Variants in PPP2R5E observed in about 807,000 individuals in gnomAD.
The protein encoded by PPP2R5E is protein phosphatase 2 regulatory subunit B'epsilon.
A neutral mutation model predicts 65.3 loss-of-function variants in PPP2R5E; 4 were observed. That is an observed-to-expected ratio of 0.06 (90% CI 0.03 to 0.14). The LOEUF is 0.14. Ranked by LOEUF, PPP2R5E falls within the 10% of genes least tolerant of loss-of-function variation. The pLI is 1.00. For synonymous variants in PPP2R5E, 183 were observed against 187.4 expected (o/e 0.98, Z 0.19); for missense variants, 274 against 556.1 (o/e 0.49, Z 5.10).
intron 2 of PPP2R5E, among the ~76,000 whole-genome samples, chr14:63,467,221 T>TAAAA (rs1889867012): frequency 2.2e-5 from 2 of 91,852 alleles, no homozygotes; most frequent in Non-Finnish European, 4.3e-5. Flanking sequence ...AGACTCCGTC[T>TAAAA]CAAAAAAAAC....
intron 2 of PPP2R5E, among the ~76,000 whole-genome samples, chr14:63,507,766 G>C (rs962086815): frequency 3.9e-5 from 6 of 151,930 alleles, no homozygotes; most frequent in African/African-American, 1.2e-4. Context: ...TTTTAGTAGA[G>C]ACGGGGTTTC....
At chr14:63,430,522 T>C (rs1887619602) in intron 3 of PPP2R5E, among the ~76,000 whole-genome samples, 1 of 152,192 alleles carries the variant, frequency 6.6e-6, no homozygotes, top group South Asian at 2.1e-4. Flanking sequence ...CAAGTTACTT[T>C]TGGTAACACC....
At chr14:63,416,948 C>G (rs1488479834) in intron 4 of PPP2R5E, among the ~76,000 whole-genome samples, 2 of 151,626 alleles carry the variant, frequency 1.3e-5, no homozygotes, top group Non-Finnish European at 3.0e-5. Context: ...TTCTTTTTCT[C>G]CCACATAATT....
chr14:63,380,196 T>C (rs768179937), intron 13 of PPP2R5E, among the ~76,000 whole-genome samples: 84 of 152,270 alleles, frequency 5.5e-4, no homozygotes, highest in Non-Finnish European at 8.4e-4. Context: ...AGGATAATAA[T>C]AATGTGCTTT....
At chr14:63,418,604 C>T (rs1012557222) in intron 4 of PPP2R5E, among the ~76,000 whole-genome samples, 7 of 152,038 alleles carry the variant, frequency 4.6e-5, no homozygotes, top group Non-Finnish European at 7.4e-5. Flanking sequence ...CAGTCTCAAA[C>T]GGAAAGCACT....
chr14:63,412,409 G>C (rs1343160483), intron 5 of PPP2R5E, among the ~76,000 whole-genome samples: 11 of 152,204 alleles, frequency 7.2e-5, no homozygotes, highest in African/African-American at 1.9e-4. Flanking sequence ...TTTCCTTTAA[G>C]AAACCTAAAG....
intron 2 of PPP2R5E, among the ~76,000 whole-genome samples, chr14:63,499,000 G>C (rs143254703): frequency 1.3e-5 from 2 of 152,204 alleles, no homozygotes; most frequent in African/African-American, 2.4e-5. Context: ...CTATAAAACT[G>C]TATTTCCAAA....
chr14:63,411,405 A>T (rs1886379608), intron 5 of PPP2R5E, among the ~76,000 whole-genome samples: 1 of 151,972 alleles, frequency 6.6e-6, no homozygotes, highest in Non-Finnish European at 1.5e-5. Flanking sequence ...TTTTTTTAAA[A>T]TTATTTTTAT....
chr14:63,488,742 G>A (rs1289627489), intron 2 of PPP2R5E, among the ~76,000 whole-genome samples: 2 of 151,840 alleles, frequency 1.3e-5, no homozygotes, highest in Non-Finnish European at 1.5e-5. Context: ...CCAGCTACTC[G>A]GAAGGCTGAG....
intron 12 of PPP2R5E, among the ~76,000 whole-genome samples, chr14:63,383,021 C>A (rs1884458495): frequency 6.6e-6 from 1 of 152,160 alleles, no homozygotes; most frequent in African/African-American, 2.4e-5. Flanking sequence ...TAGCTCTGAT[C>A]TGCACCAGTC....
intron 2 of PPP2R5E, among the ~76,000 whole-genome samples, chr14:63,474,466 T>A (rs996263065): frequency 6.6e-6 from 1 of 151,820 alleles, no homozygotes; most frequent in African/African-American, 2.4e-5. Context: ...TGGAAATGTA[T>A]TGTATATACA....
At chr14:63,542,569 A>AG (rs1420989791) in intron 1 of PPP2R5E, among the ~76,000 whole-genome samples, 30 of 151,996 alleles carry the variant, frequency 2.0e-4, no homozygotes, top group Middle Eastern at 3.4e-3. Context: ...AAAAGGGGGG[A>AG]GGGGGCAGAG....
In PPP2R5E at chr14:63,506,797, A is replaced by G. The variant is rs183992160; in HGVS notation, c.157+32732T>C. ...ACCCAGCAATCCCACTCCCAGGTAT[A>G]ATATTTACCCAAGGTAACTGAAAGT... is the stretch of plus-strand genomic sequence containing the variant. On this transcript the variant is annotated intron_variant, in intron 2 of 13. Coordinates refer to ENST00000337537, the MANE Select transcript of PPP2R5E (RefSeq NM_006246.5). Among the ~76,000 whole-genome samples, 776 of 152,324 alleles carry G rather than the reference A, an allele frequency of 5.1e-3. 6 individuals carry two copies. Among genetic ancestry groups the G allele is most frequent in the African/African-American group, 0.018 (739 of 41,582 alleles).
chr14:63,466,395 G>A, intron 2 of PPP2R5E, among the ~76,000 whole-genome samples: 1 of 152,082 alleles, frequency 6.6e-6, no homozygotes, highest in East Asian at 1.9e-4. Flanking sequence ...ACTGACACAG[G>A]ACTGAGAACA....
chr14:63,511,673 T>C (rs1892457332), intron 2 of PPP2R5E, among the ~76,000 whole-genome samples: 1 of 152,198 alleles, frequency 6.6e-6, no homozygotes. Context: ...AGAATGGGTA[T>C]GGTGTTGATG....
intron 2 of PPP2R5E, among the ~76,000 whole-genome samples, chr14:63,459,753 T>C (rs769077671): frequency 2.0e-5 from 3 of 152,220 alleles, no homozygotes; most frequent in Admixed American, 6.5e-5. Context: ...AGTATGTCAC[T>C]ACGGTTAAAA....
intron 5 of PPP2R5E, among the ~76,000 whole-genome samples, chr14:63,412,967 G>A (rs1198410016): frequency 6.6e-6 from 1 of 152,052 alleles, no homozygotes; most frequent in Non-Finnish European, 1.5e-5. Context: ...ATTATTCTGG[G>A]GAGAATAAAG....
At chr14:63,526,640 T>C (rs918885720) in intron 2 of PPP2R5E, among the ~76,000 whole-genome samples, 13 of 152,230 alleles carry the variant, frequency 8.5e-5, no homozygotes, top group Admixed American at 2.0e-4. Context: ...TGCTGCAGCC[T>C]TGACCTCCCG....
intron 13 of PPP2R5E, among the ~76,000 whole-genome samples, chr14:63,379,094 T>C (rs1187154508): frequency 6.6e-6 from 1 of 151,798 alleles, no homozygotes; most frequent in African/African-American, 2.4e-5. Context: ...AGTGGTGTAA[T>C]CTCGGCTCAC....
Sources: gnomAD v4.1 joint callset for allele counts (sites outside exome capture counted in the v4.1 genomes callset) on GRCh38, gnomAD v4.1.1 for gene constraint, MANE v1.5 for transcripts, NCBI Gene and HGNC (gene_info 2026-07-23, HGNC 2026-07-21) for gene names.